The following TNK2 variants were observed in gnomAD, a reference collection of about 807,000 sequenced individuals.
TNK2 encodes the protein tyrosine kinase non receptor 2.
Under a neutral mutation model 101.8 loss-of-function variants are expected in TNK2, and 83 were observed. The ratio of observed to expected loss-of-function variants is 0.82; its 90% confidence interval spans 0.68 to 0.98. TNK2 has a LOEUF of 0.98. Ranked by LOEUF, TNK2 falls within the 50% of genes least tolerant of loss-of-function variation. TNK2 has a pLI of 0.00. For missense variants in TNK2, 1,665 were observed against 1,483.2 expected (o/e 1.12, Z -2.01); for synonymous variants, 804 against 633.0 (o/e 1.27, Z -4.06).
chr3:195,904,472 C>T (rs1761535640), intron 1 of TNK2, among the ~76,000 whole-genome samples: 1 of 152,082 alleles, frequency 6.6e-6, no homozygotes, highest in African/African-American at 2.4e-5. Context: ...CTATGAGGCA[C>T]CTACAGGAGC....
At position 195,885,162 on chromosome 3, in the gene TNK2, G is replaced by A; in HGVS notation, c.235-129C>T. ...AGATAGGTCCTGGTTTTGCCAAACT[G>A]TCAGTGGGGCAGCCTGGCTGGAGGC... On this transcript the variant is annotated intron_variant, in intron 3 of 15. Coordinates refer to ENST00000672887, the MANE Select transcript of TNK2 (RefSeq NM_001382273.1). This position sits in a 1 kb window ranked among gnomAD's most constrained non-coding sequence, Gnocchi z 4.7. 2 of 1,126,222 alleles carry A rather than the reference G, an allele frequency of 1.8e-6. No homozygotes were observed. The highest frequency in any genetic ancestry group is 2.5e-6 in the Non-Finnish European group (2 of 804,696). The allele number at this position is 1,126,222 out of a possible 1,614,324, so 69.8% of individuals were successfully genotyped here.
chr3:195,876,456 G>A (rs981309295), intron 9 of TNK2: 7 of 456,814 alleles, frequency 1.5e-5, no homozygotes, highest in African/African-American at 8.0e-5. Context: ...AGAGCCATCC[G>A]CCTGGAGACA....
chr3:195,906,264 C>T (rs2149888210), intron 1 of TNK2, among the ~76,000 whole-genome samples: 1 of 152,254 alleles, frequency 6.6e-6, no homozygotes, highest in East Asian at 1.9e-4. Context: ...AACAGTCTGG[C>T]AGTTTCTTAA....
chr3:195,903,015 A>T (rs925998118), intron 1 of TNK2, among the ~76,000 whole-genome samples: 2 of 150,862 alleles, frequency 1.3e-5, no homozygotes, highest in Non-Finnish European at 2.9e-5. Flanking sequence ...CTCCCAAAGT[A>T]CTGGGATTAC....
chr3:195,900,316 AGGCAG>A (rs1474542445), intron 1 of TNK2, among the ~76,000 whole-genome samples: 3 of 152,064 alleles, frequency 2.0e-5, no homozygotes, highest in Non-Finnish European at 4.4e-5. Flanking sequence ...CAGACACACC[AGGCAG>A]GGCCCTGCTA....
chr3:195,876,864 C>T (rs976680374), intron 9 of TNK2: 5 of 355,420 alleles, frequency 1.4e-5, no homozygotes, highest in Admixed American at 3.8e-5. Flanking sequence ...GAGACACACG[C>T]CCCAAACACA....
In TNK2 at chr3:195,868,781, T is replaced by C; in HGVS notation, c.1589-72A>G. On this transcript the variant is annotated intron_variant, in intron 12 of 15. Transcript: ENST00000672887. Reference sequence around the variant, plus strand: ...CTGGGACACGAGGGGAGGTGGCACGTGGGAGAGAAAGCCAAGTGTCCCCCA... The same window carrying C: ...CTGGGACACGAGGGGAGGTGGCACGCGGGAGAGAAAGCCAAGTGTCCCCCA... 2.1e-6 allele frequency: 3 copies of C among 1,458,730 alleles called. No individual in the cohort carries two copies. In the South Asian group the frequency reaches 4.1e-5, roughly 20 times the overall value. 90.4% of individuals were successfully genotyped at this position (1,458,730 alleles called of 1,614,324 possible).
intron 10 of TNK2, 76 bp downstream of exon 10, chr3:195,872,200 G>A (rs1032479058): frequency 2.9e-5 from 44 of 1,513,004 alleles, no homozygotes; most frequent in Middle Eastern, 3.9e-4. Flanking sequence ...AGCAGATTCC[G>A]CCCACGCGTG....
At position 195,887,033 on chromosome 3, in the gene TNK2, A is replaced by G; in HGVS notation, c.178T>C (p.Trp60Arg). Residue 60 changes from tryptophan (W) to arginine (R), a missense_variant, in exon 3 of 16, where the codon TGG becomes CGG. Coordinates refer to ENST00000672887, the MANE Select transcript of TNK2 (RefSeq NM_001382273.1). ...GMGRPGQRRL[W>R]EAVKRRKALC... ...GCCTTCCTCCTCTTCACAGCCTCCC[A>G]CAGCCGCCGCTGGCCTGCAGGGAGA... The G allele has an allele frequency of 6.2e-7, 1 of 1,612,868 alleles. No individual in the cohort carries two copies. Among genetic ancestry groups the G allele is most frequent in the Non-Finnish European group, 8.5e-7 (1 of 1,179,328 alleles).
chr3:195,880,069 G>A (rs1056688999), intron 6 of TNK2, among the ~76,000 whole-genome samples: 2 of 152,098 alleles, frequency 1.3e-5, no homozygotes, highest in African/African-American at 2.4e-5. Flanking sequence ...CACAGCCACC[G>A]CTTGGGAAAG....
chr3:195,870,318 G>A (rs978055939), intron 10 of TNK2, 113 bp from the exon 11 acceptor site: 14 of 1,541,554 alleles, frequency 9.1e-6, no homozygotes, highest in Non-Finnish European at 1.2e-5. Context: ...TGGGTCTGAA[G>A]CACAGGCCTC....
At position 195,867,962 on chromosome 3, in the gene TNK2, T is replaced by C. The variant is rs1331863683; in HGVS notation, c.2336A>G (p.Glu779Gly). ...AGGTCCAGGCCACTGGCTGGTCTCC[T>C]CCTCGCCCGGGGGGGCTGGAGACAG... Reference protein sequence around the residue: ...VQLSPAPPGEEETSQWPGPAS... With the variant: ...VQLSPAPPGEGETSQWPGPAS... Residue 779 changes from glutamate (E) to glycine (G), a missense_variant, in exon 13 of 16, where the codon GAG (glutamate) becomes GGG (glycine). Transcript: ENST00000672887. 1.4e-5 allele frequency: 22 copies of C among 1,544,980 alleles called. No individual in the cohort carries two copies. In the South Asian group the frequency reaches 2.0e-4, roughly 14 times the overall value.
intron 11 of TNK2, chr3:195,869,792 G>A: frequency 3.4e-6 from 2 of 595,026 alleles, no homozygotes; most frequent in Non-Finnish European, 6.0e-6. Flanking sequence ...CCGTGGGGTG[G>A]TTTTGGCTTG....
In TNK2 at chr3:195,872,987, G is replaced by C. The variant is rs954060043; in HGVS notation, c.1257-517C>G. The stretch of plus-strand genomic sequence containing the variant: ...CACCTAGGGCCTTGCACTAGGCTGG[G>C]GGCCAGGCCTCCAGCTACAACCTGC... On this transcript the variant is annotated intron_variant, in intron 9 of 15. Transcript: ENST00000672887. Among the ~76,000 whole-genome samples, 3 of 152,136 alleles carry C rather than the reference G, an allele frequency of 2.0e-5. No homozygotes were observed. In the East Asian group the frequency reaches 5.8e-4, roughly 29 times the overall value.
intron 11 of TNK2, chr3:195,869,899 T>G: frequency 1.8e-6 from 1 of 561,668 alleles, no homozygotes; most frequent in Non-Finnish European, 3.2e-6. Flanking sequence ...ACGGGCCTGC[T>G]GCAGACCCAG....
intron 1 of TNK2, among the ~76,000 whole-genome samples, chr3:195,890,996 T>C (rs1052285280): frequency 3.3e-5 from 5 of 152,238 alleles, no homozygotes; most frequent in African/African-American, 1.2e-4. Context: ...TAAAATATTA[T>C]TACCTTCCTC....
In TNK2 at chr3:195,878,494, C is replaced by T. The variant is rs747158398; in HGVS notation, c.1113G>A (p.Lys371=). The T allele has an allele frequency of 6.2e-7, 1 of 1,613,978 alleles. No individual in the cohort carries two copies. Among genetic ancestry groups the T allele is most frequent in the Non-Finnish European group, 8.5e-7 (1 of 1,180,038 alleles). ...CCACAAACGTGGGTCTGTCCTCTGG[C>T]TTGTGAGCCCAGCACTGGACCATGA... ...YNVMVQCWAH[K]PEDRPTFVAL... is the part of the protein sequence containing the mutation. The change falls in exon 8 of 16, where the codon AAG becomes AAA. Residue 371 remains lysine (K), a synonymous_variant. Coordinates refer to ENST00000672887, the MANE Select transcript of TNK2 (RefSeq NM_001382273.1). The surrounding 1 kb of genome is among the most constrained non-coding windows in gnomAD (Gnocchi z 4.7).
chr3:195,887,434 C>T (rs907503169), intron 2 of TNK2, among the ~76,000 whole-genome samples: 1 of 152,236 alleles, frequency 6.6e-6, no homozygotes, highest in Non-Finnish European at 1.5e-5. Flanking sequence ...TAACTTAGCA[C>T]ATTACTACCT....
At position 195,871,619 on chromosome 3, in the gene TNK2, T is replaced by C. The variant is rs541269817; in HGVS notation, c.1451+657A>G. Among the ~76,000 whole-genome samples, 3 of 152,240 alleles carry C rather than the reference T, an allele frequency of 2.0e-5. No individual in the cohort carries two copies. The East Asian group carries it at 5.8e-4, about 29-fold the overall frequency. On this transcript the variant is annotated intron_variant, in intron 10 of 15. Transcript: ENST00000672887. ...CACCGGGTTCCTCCCAAGTTCATTTTCCTAAGGCCCGAGTACCAAGAGGGG... is the reference window on the plus strand; with the variant it reads ...CACCGGGTTCCTCCCAAGTTCATTTCCCTAAGGCCCGAGTACCAAGAGGGG...
Sources: gnomAD v4.1 joint callset for allele counts (sites outside exome capture counted in the v4.1 genomes callset) on GRCh38, gnomAD v4.1.1 for gene constraint, Gnocchi (gnomAD v3.1) non-coding constraint, MANE v1.5 for transcripts, NCBI Gene and HGNC (gene_info 2026-07-23, HGNC 2026-07-21) for gene names.